Variants in EPHB2 observed in about 807,000 individuals in gnomAD.
EPHB2 encodes the protein ephrin type-B receptor 2.
In EPHB2, 18 loss-of-function variants were observed where a neutral mutation model predicts 96.4. That is an observed-to-expected ratio of 0.19 (90% confidence interval 0.13 to 0.28). The LOEUF (loss-of-function observed/expected upper bound fraction) is 0.28, where lower values mean the gene tolerates loss of function less well. Among genes scored for constraint, EPHB2 ranks in the 10% least tolerant of loss-of-function variants. The probability of loss-of-function intolerance (pLI) is 1.00; values close to 1 mark genes in which losing one functional copy is unlikely to be tolerated. For missense variants in EPHB2, 989 were observed against 1,355.4 expected (o/e 0.73, Z 4.25); for synonymous variants, 506 against 534.1 (o/e 0.95, Z 0.72).
intron 6 of EPHB2, among the ~76,000 whole-genome samples, chr1:22,883,700 C>T (rs576058264): frequency 3.4e-4 from 52 of 152,310 alleles, no homozygotes; most frequent in African/African-American, 9.1e-4. Context: ...ACTGCTGGAT[C>T]GGCTAACCAG....
chr1:22,769,167 G>T (rs1644345982), intron 1 of EPHB2, among the ~76,000 whole-genome samples: 1 of 152,100 alleles, frequency 6.6e-6, no homozygotes, highest in African/African-American at 2.4e-5. Context: ...AGATTCACAG[G>T]CCAGATGGGG....
In EPHB2 at chr1:22,913,386, GC is replaced by G; in HGVS notation, c.2853-73del. The G allele has an allele frequency of 6.4e-7, 1 of 1,569,632 alleles. No individual in the cohort carries two copies. ...GCTTTGCCATCTTCCTCCCGGGGAA[GC>G]CCAGGCAGCTCTCTACCAGGCACAG... On this transcript the variant is annotated intron_variant, in intron 15 of 15. Coordinates refer to ENST00000374630, the MANE Select transcript of EPHB2 (RefSeq NM_017449.5). This position sits in a 1 kb window ranked among gnomAD's most constrained non-coding sequence, Gnocchi z 4.1.
At position 22,818,110 on chromosome 1, in the gene EPHB2, C is replaced by T. The variant is rs148333830; in HGVS notation, c.811+33034C>T. On this transcript the variant is annotated intron_variant, in intron 3 of 15. Coordinates refer to ENST00000374630, the MANE Select transcript of EPHB2 (RefSeq NM_017449.5). ...TTAACCTCTCTGATCCTTAGTCTGT[C>T]GCTTCCCTTACTACAGCTGACCCTT... is the stretch of plus-strand genomic sequence containing the variant. Among the ~76,000 whole-genome samples, 711 of 152,238 alleles carry T rather than the reference C, an allele frequency of 4.7e-3. 2 individuals carry two copies. Among genetic ancestry groups the T allele is most frequent in the African/African-American group, 0.011 (461 of 41,528 alleles).
intron 1 of EPHB2, among the ~76,000 whole-genome samples, chr1:22,731,576 A>G (rs1643713550): frequency 6.6e-6 from 1 of 152,222 alleles, no homozygotes; most frequent in Non-Finnish European, 1.5e-5. Context: ...GCGGTGGCTC[A>G]TGCCTGTAAT....
intron 3 of EPHB2, among the ~76,000 whole-genome samples, chr1:22,816,390 G>T (rs1645075627): frequency 6.6e-6 from 1 of 152,134 alleles, no homozygotes; most frequent in African/African-American, 2.4e-5. Context: ...CACAATCCCA[G>T]TCCTGCCTCC....
At chr1:22,811,257 G>A (rs1288859167) in intron 3 of EPHB2, among the ~76,000 whole-genome samples, 8 of 152,120 alleles carry the variant, frequency 5.3e-5, no homozygotes, top group Non-Finnish European at 1.0e-4. Flanking sequence ...AGATCCCTGA[G>A]GGCCAAGTTC....
chr1:22,787,045 G>A (rs935124574), intron 3 of EPHB2, among the ~76,000 whole-genome samples: 6 of 152,226 alleles, frequency 3.9e-5, no homozygotes, highest in African/African-American at 1.4e-4. Flanking sequence ...TACTGAGCCT[G>A]CTCTGTGTTA....
At chr1:22,910,244 C>A in intron 13 of EPHB2, 138 bp from the exon 14 acceptor site, 1 of 1,075,738 alleles carries the variant, frequency 9.3e-7, no homozygotes. Context: ...CCTGGGGCTG[C>A]CTCCAGGAGG....
chr1:22,840,809 G>C (rs546396623), intron 3 of EPHB2, among the ~76,000 whole-genome samples: 1 of 152,236 alleles, frequency 6.6e-6, no homozygotes, highest in South Asian at 2.1e-4. Flanking sequence ...CACCCATTCC[G>C]TGCAGACACA....
Position 22,779,159 on chromosome 1 carries a change from G to C in EPHB2, c.62-2262G>C, listed in dbSNP as rs143994420. Among the ~76,000 whole-genome samples, 1,053 of 152,358 alleles carry C rather than the reference G, an allele frequency of 6.9e-3. 8 individuals are homozygous for C. Among genetic ancestry groups the C allele is most frequent in the African/African-American group, 0.022 (909 of 41,586 alleles). The stretch of plus-strand genomic sequence containing the variant: ...AAAACAGGTTAAAAGTTCAGCCCTT[G>C]TTCTCTCCAGGAAGAAAAATCTGTA... On this transcript the variant is annotated intron_variant, in intron 1 of 15. Transcript: ENST00000374630.
chr1:22,762,389 C>T (rs554243789), intron 1 of EPHB2, among the ~76,000 whole-genome samples: 1 of 152,184 alleles, frequency 6.6e-6, no homozygotes, highest in Non-Finnish European at 1.5e-5. Flanking sequence ...CACCCTGTGG[C>T]AGAAAGGAAG....
At chr1:22,730,024 C>T (rs1054222761) in intron 1 of EPHB2, among the ~76,000 whole-genome samples, 5 of 152,186 alleles carry the variant, frequency 3.3e-5, no homozygotes, top group African/African-American at 7.2e-5. Flanking sequence ...TTTAATTGAA[C>T]GGAGTGGGAT....
At chr1:22,884,061 A>T (rs958846604) in intron 6 of EPHB2, among the ~76,000 whole-genome samples, 4 of 137,704 alleles carry the variant, frequency 2.9e-5, no homozygotes, top group African/African-American at 1.1e-4. Flanking sequence ...CCCAAATGTC[A>T]CCTCCGCCAC....
intron 8 of EPHB2, among the ~76,000 whole-genome samples, chr1:22,896,164 C>T (rs1025956755): frequency 5.9e-5 from 9 of 152,008 alleles, no homozygotes; most frequent in Non-Finnish European, 8.8e-5. Context: ...GGCCAGAAGC[C>T]GTGGCTGGAA....
At chr1:22,889,593 G>T (rs1236489712) in intron 6 of EPHB2, among the ~76,000 whole-genome samples, 1 of 152,184 alleles carries the variant, frequency 6.6e-6, no homozygotes, top group Non-Finnish European at 1.5e-5. Flanking sequence ...AGATGGACAG[G>T]TATATTAGGA....
At chr1:22,836,138 G>C (rs1056583876) in intron 3 of EPHB2, 3 of 152,232 alleles carry the variant, frequency 2.0e-5, no homozygotes, top group African/African-American at 7.2e-5. Context: ...AGCCTCTCCA[G>C]AGGGGCCCCG....
intron 14 of EPHB2, 49 bp from the exon 15 acceptor site, chr1:22,912,395 C>T (rs752515537): frequency 6.2e-7 from 1 of 1,612,224 alleles, no homozygotes; most frequent in South Asian, 1.1e-5. Context: ...CTGCACGCTC[C>T]CTGCAAACAG....
chr1:22,849,329 G>A (rs563171852), intron 3 of EPHB2, among the ~76,000 whole-genome samples: 5 of 152,192 alleles, frequency 3.3e-5, no homozygotes, highest in African/African-American at 4.8e-5. Flanking sequence ...CGTCTCCTTC[G>A]TGACCCATCG....
intron 11 of EPHB2, 86 bp downstream of exon 11, chr1:22,907,043 G>C: frequency 1.3e-6 from 2 of 1,484,510 alleles, no homozygotes; most frequent in East Asian, 4.7e-5. Context: ...AGAGCCTGAA[G>C]GGGTCTTGGA....
Sources: allele counts gnomAD v4.1 joint callset (sites outside exome capture counted in the v4.1 genomes callset), GRCh38; gene constraint gnomAD v4.1.1; non-coding constraint Gnocchi (gnomAD v3.1); transcripts MANE v1.5; gene names NCBI Gene and HGNC (gene_info 2026-07-23, HGNC 2026-07-21).